CALN1: variants seen among roughly 807,000 people sequenced by gnomAD.
CALN1 encodes calneuron 1.
Under a neutral mutation model 30.6 loss-of-function variants are expected in CALN1, and 17 were observed. That is an observed-to-expected ratio of 0.56 (90% confidence interval 0.38 to 0.83). The LOEUF is 0.83. Among genes scored for constraint, CALN1 ranks in the 40% least tolerant of loss-of-function variants. The probability of loss-of-function intolerance (pLI) is 0.00; values close to 1 mark genes in which losing one functional copy is unlikely to be tolerated. For synonymous variants in CALN1, 156 were observed against 131.4 expected (o/e 1.19, Z -1.28); for missense variants, 291 against 354.9 (o/e 0.82, Z 1.45).
intron 5 of CALN1, among the ~76,000 whole-genome samples, chr7:72,005,090 A>G (rs373267553): frequency 2.0e-5 from 3 of 152,352 alleles, no homozygotes; most frequent in Admixed American, 6.5e-5. Flanking sequence ...GCAGTTTCTT[A>G]TAAAACAAAA....
At chr7:72,376,785 CCCAAG>C (rs1804586710) in intron 2 of CALN1, among the ~76,000 whole-genome samples, 1 of 152,264 alleles carries the variant, frequency 6.6e-6, no homozygotes, top group East Asian at 1.9e-4. Context: ...TGCTGCCTAA[CCCAAG>C]TCATGAGATT....
intron 2 of CALN1, among the ~76,000 whole-genome samples, chr7:72,354,480 T>C (rs1397391864): frequency 6.6e-6 from 1 of 152,164 alleles, no homozygotes; most frequent in Admixed American, 6.5e-5. Context: ...GCAAAGGACA[T>C]AGAATAGCCA....
the CALN1 span, among the ~76,000 whole-genome samples, chr7:72,455,718 G>A: frequency 1.3e-5 from 2 of 152,200 alleles, no homozygotes; most frequent in South Asian, 4.2e-4. Context: ...GGTGATGGAG[G>A]CGAGATTGCT....
intron 5 of CALN1, among the ~76,000 whole-genome samples, chr7:71,836,801 A>G (rs911736502): frequency 1.1e-4 from 16 of 151,570 alleles, no homozygotes; most frequent in African/African-American, 3.9e-4. Context: ...TATTTTTAGT[A>G]GAGATGGGGT....
At position 72,254,777 on chromosome 7, in the gene CALN1, C is replaced by T. The variant is rs920535074; in HGVS notation, c.244+23909G>A. 6.6e-5 allele frequency among the ~76,000 whole-genome samples: 10 copies of T among 152,072 alleles called. No individual in the cohort carries two copies. The East Asian group carries it at 7.8e-4, about 12-fold the overall frequency. ...ATAAATATTCTTTTTCTTTCCCCCC[C>T]GCTGAGACAGAGTCTTGCTTGCCCT... On this transcript the variant is annotated intron_variant, in intron 3 of 6. Coordinates refer to ENST00000395275, the MANE Select transcript of CALN1 (RefSeq NM_031468.4).
At chr7:72,175,219 G>T (rs112963432) in intron 3 of CALN1, among the ~76,000 whole-genome samples, 1 of 151,766 alleles carries the variant, frequency 6.6e-6, no homozygotes, top group Non-Finnish European at 1.5e-5. Flanking sequence ...GACTACAGGC[G>T]CCCGCCACCA....
intron 3 of CALN1, among the ~76,000 whole-genome samples, chr7:72,126,639 C>T (rs550833277): frequency 3.3e-5 from 5 of 152,012 alleles, no homozygotes; most frequent in Non-Finnish European, 5.9e-5. Context: ...TCCCCAAAGT[C>T]CATTATATCA....
intron 4 of CALN1, among the ~76,000 whole-genome samples, chr7:72,042,606 C>T (rs1011380700): frequency 3.9e-5 from 6 of 152,112 alleles, no homozygotes; most frequent in Admixed American, 6.6e-5. Context: ...GTGGATCACA[C>T]GTACGTATAA....
intron 3 of CALN1, among the ~76,000 whole-genome samples, chr7:72,250,417 T>C (rs1314599994): frequency 4.6e-5 from 7 of 152,186 alleles, no homozygotes; most frequent in African/African-American, 1.4e-4. Flanking sequence ...GAATACTGAA[T>C]GAGAGTGATG....
chr7:72,102,368 C>A (rs1247250228), intron 4 of CALN1, among the ~76,000 whole-genome samples: 1 of 152,102 alleles, frequency 6.6e-6, no homozygotes, highest in Non-Finnish European at 1.5e-5. Context: ...TAGCTTCAAT[C>A]TGGGAGATGG....
At chr7:72,115,761 C>CAG (rs1807939851) in intron 3 of CALN1, among the ~76,000 whole-genome samples, 2 of 152,014 alleles carry the variant, frequency 1.3e-5, no homozygotes, top group African/African-American at 4.8e-5. Context: ...GCTAGGATTA[C>CAG]AGGCGTGAGT....
intron 5 of CALN1, among the ~76,000 whole-genome samples, chr7:71,841,780 T>A (rs2116500337): frequency 6.6e-6 from 1 of 152,142 alleles, no homozygotes; most frequent in South Asian, 2.1e-4. Flanking sequence ...TGTTCTCAAT[T>A]GAGTGGGAGC....
chr7:72,361,829 T>A (rs1803588368), intron 2 of CALN1, among the ~76,000 whole-genome samples: 1 of 152,256 alleles, frequency 6.6e-6, no homozygotes, highest in Non-Finnish European at 1.5e-5. Flanking sequence ...TCAAGGTAAG[T>A]TTAAGTGAAA....
chr7:72,359,752 G>A (rs10270566), intron 2 of CALN1, among the ~76,000 whole-genome samples: 34,307 of 151,586 alleles, frequency 0.23, 5,711 homozygotes, highest in African/African-American at 0.46. Flanking sequence ...GAGGCGAGAG[G>A]ATCACAAGGT....
At chr7:72,158,817 T>C (rs1230220553) in intron 3 of CALN1, among the ~76,000 whole-genome samples, 1 of 152,148 alleles carries the variant, frequency 6.6e-6, no homozygotes, top group Non-Finnish European at 1.5e-5. Context: ...GTAGCTGCCC[T>C]ATCTCTTACC....
chr7:72,153,619 C>G lies in CALN1; in HGVS notation c.245-47325G>C, dbSNP rs915444398. Among the ~76,000 whole-genome samples, 20 of 152,114 alleles carry G rather than the reference C, an allele frequency of 1.3e-4. No homozygotes were observed. In the South Asian group the frequency reaches 2.7e-3, roughly 21 times the overall value. On this transcript the variant is annotated intron_variant, in intron 3 of 6. Coordinates refer to ENST00000395275, the MANE Select transcript of CALN1 (RefSeq NM_031468.4). The stretch of plus-strand genomic sequence containing the variant: ...GGATCACTTGAGCCGGAGTTCAAGG[C>G]TGCAGTGAGCCATGATTCGTCACTG...
intron 2 of CALN1, among the ~76,000 whole-genome samples, chr7:72,335,877 A>G (rs1801991960): frequency 6.6e-6 from 1 of 152,116 alleles, no homozygotes; most frequent in Non-Finnish European, 1.5e-5. Context: ...CCTCGCCCCA[A>G]GGGTGGCCCA....
rs140780199 is a variant in CALN1, at chr7:72,180,025, C to T, written c.245-73731G>A. Among the ~76,000 whole-genome samples the T allele has an allele frequency of 3.1e-3, 472 of 152,310 alleles. 2 individuals are homozygous for T. The highest frequency in any genetic ancestry group is 1.0e-2 in the African/African-American group (415 of 41,576). ...CGCATCAGGATACAAACAAGGCACA[C>T]ATGTTGCTTATCTCTAATGTGCCCC... is the stretch of plus-strand genomic sequence containing the variant. On this transcript the variant is annotated intron_variant, in intron 3 of 6. Transcript: ENST00000395275.
chr7:72,275,415 G>A (rs1562826240), intron 3 of CALN1, among the ~76,000 whole-genome samples: 2 of 152,148 alleles, frequency 1.3e-5, no homozygotes, highest in Admixed American at 1.3e-4. Context: ...TTGGTTTCCA[G>A]ACCCTGCGTG....
Sources: allele counts gnomAD v4.1 joint callset (sites outside exome capture counted in the v4.1 genomes callset), GRCh38; gene constraint gnomAD v4.1.1; transcripts MANE v1.5; gene names NCBI Gene and HGNC (gene_info 2026-07-23, HGNC 2026-07-21).